PHAX: variants seen among roughly 807,000 people sequenced by gnomAD.
PHAX encodes phosphorylated adapter RNA export protein.
In PHAX, 31 loss-of-function variants were observed where a neutral mutation model predicts 41.6. That is an observed-to-expected ratio of 0.75 (90% confidence interval 0.56 to 1.01). The LOEUF (loss-of-function observed/expected upper bound fraction) is 1.01, where lower values mean the gene tolerates loss of function less well. Among genes scored for constraint, PHAX ranks in the 50% least tolerant of loss-of-function variants. The probability of loss-of-function intolerance (pLI) is 0.00; values close to 1 mark genes in which losing one functional copy is unlikely to be tolerated. For missense variants in PHAX, 453 were observed against 472.9 expected (o/e 0.96, Z 0.39); for synonymous variants, 175 against 164.9 (o/e 1.06, Z -0.47).
At position 126,601,016 on chromosome 5, in the gene PHAX, C is replaced by T. The variant is rs1326063176; in HGVS notation, c.54C>T (p.Ser18=). 6.2e-7 allele frequency: 1 copy of T among 1,606,474 alleles called. No individual in the cohort carries two copies. Among genetic ancestry groups the T allele is most frequent in the Non-Finnish European group, 8.5e-7 (1 of 1,176,632 alleles). ...ATGGGCAGCTTTCCGACTCGGATTC[C>T]GACATGACGGTCGCACCCAGCGACA... ...MEDGQLSDSD[S]DMTVAPSDRP... Residue 18 remains serine, a synonymous_variant, in exon 1 of 5, where the codon TCC becomes TCT. Transcript: ENST00000297540.
chr5:126,603,806 A>C lies in PHAX; in HGVS notation c.333A>C (p.Gly111=), dbSNP rs1554102590. The part of the protein sequence containing the change: ...QSSQKPPVAG[G]KKINNIWGAV... ...GTCAGAAACCACCTGTTGCTGGAGG[A>C]AAGAAGATTAACAACATATGGGGTG... Residue 111 remains glycine, a synonymous_variant, in exon 2 of 5, where the codon GGA becomes GGC. Transcript: ENST00000297540. 1.2e-6 allele frequency: 2 copies of C among 1,614,162 alleles called. No homozygotes were observed. Among genetic ancestry groups the C allele is most frequent in the Non-Finnish European group, 1.7e-6 (2 of 1,180,038 alleles).
intron 4 of PHAX, among the ~76,000 whole-genome samples, chr5:126,622,242 C>G (rs1228031195): frequency 6.6e-6 from 1 of 151,792 alleles, no homozygotes; most frequent in Non-Finnish European, 1.5e-5. Context: ...CAGGTGATTC[C>G]CCTGCCTCAG....
At chr5:126,622,501 C>A (rs982215944) in intron 4 of PHAX, among the ~76,000 whole-genome samples, 1 of 130,036 alleles carries the variant, frequency 7.7e-6, no homozygotes, top group African/African-American at 2.9e-5. Flanking sequence ...CCATATTGGC[C>A]AGGCTGGTCT....
At chr5:126,619,553 G>C (rs1752238174) in intron 4 of PHAX, among the ~76,000 whole-genome samples, 1 of 150,834 alleles carries the variant, frequency 6.6e-6, no homozygotes, top group African/African-American at 2.4e-5. Context: ...TCCAGCCTGG[G>C]TGACAGAACA....
chr5:126,603,271 C>T (rs78927334), intron 1 of PHAX, among the ~76,000 whole-genome samples: 4,020 of 151,732 alleles, frequency 0.026, 180 homozygotes, highest in African/African-American at 0.09. Context: ...CATTTTAAAA[C>T]ATTCTGACAG....
In PHAX at chr5:126,624,600, A is replaced by C; in HGVS notation, c.941A>C (p.Lys314Thr). Reference protein sequence around the residue: ...IKDIFYIENQKEYENKKAARK... With the variant: ...IKDIFYIENQTEYENKKAARK... ...GACATTTTCTACATTGAAAACCAAA[A>C]GGAATATGAAAATAAAAAAGCTGCT... The change falls in exon 5 of 5, where the codon AAG becomes ACG. Residue 314 changes from lysine (K) to threonine (T), a missense_variant. Physicochemically the swap from Lys to Thr is moderately conservative, Grantham distance 78. Transcript: ENST00000297540. 1 of 1,597,510 alleles carries C rather than the reference A, an allele frequency of 6.3e-7. No homozygotes were observed. Among genetic ancestry groups the C allele is most frequent in the South Asian group, 1.2e-5 (1 of 86,882 alleles).
intron 2 of PHAX, 152 bp downstream of exon 2, chr5:126,604,335 T>C: frequency 1.4e-6 from 1 of 709,248 alleles, no homozygotes; most frequent in Non-Finnish European, 2.2e-6. Flanking sequence ...GGAGTGCAGT[T>C]ACTCACTGCA....
intron 2 of PHAX, among the ~76,000 whole-genome samples, chr5:126,607,827 T>G (rs1752014813): frequency 6.6e-6 from 1 of 152,182 alleles, no homozygotes; most frequent in Admixed American, 6.6e-5. Flanking sequence ...CTTGAGAGAA[T>G]CAGCTGGCAT....
At chr5:126,612,746 A>G (rs1752123521) in intron 3 of PHAX, among the ~76,000 whole-genome samples, 1 of 152,162 alleles carries the variant, frequency 6.6e-6, no homozygotes, top group Admixed American at 6.5e-5. Context: ...CTGTTTTGAG[A>G]ATAGACTGAA....
At chr5:126,614,309 G>A (rs925518102) in intron 3 of PHAX, among the ~76,000 whole-genome samples, 6 of 152,108 alleles carry the variant, frequency 3.9e-5, no homozygotes, top group African/African-American at 1.4e-4. Flanking sequence ...ATGTTGGCCA[G>A]GCTGGTCTCA....
intron 2 of PHAX, among the ~76,000 whole-genome samples, chr5:126,607,388 CTTTTTTTTTTT>C (rs58375322): frequency 0.082 from 6,989 of 85,436 alleles, 289 homozygotes; most frequent in East Asian, 0.21. Flanking sequence ...GGTCTGAATT[CTTTTTTTTTTT>C]TTTTTTTTTT....
Position 126,601,971 on chromosome 5 carries a change from C to T in PHAX, c.96+913C>T, listed in dbSNP as rs190577075. On this transcript the variant is annotated intron_variant, in intron 1 of 4. Transcript: ENST00000297540. ...TGTGAACCACGGCGCCCGGCCACATCCAGCTAATTTTGTATTTTTAGTTGA... is the reference window on the plus strand; with the variant it reads ...TGTGAACCACGGCGCCCGGCCACATTCAGCTAATTTTGTATTTTTAGTTGA... Among the ~76,000 whole-genome samples the T allele has an allele frequency of 5.2e-3, 779 of 150,484 alleles. 4 individuals carry two copies. Among genetic ancestry groups the T allele is most frequent in the South Asian group, 0.016 (75 of 4,732 alleles).
At chr5:126,619,215 C>A (rs1388929555) in intron 4 of PHAX, among the ~76,000 whole-genome samples, 1 of 152,170 alleles carries the variant, frequency 6.6e-6, no homozygotes, top group African/African-American at 2.4e-5. Context: ...GTGTTAGCCA[C>A]CTTGCCTGGC....
At chr5:126,609,375 A>G (rs912099191) in intron 3 of PHAX, among the ~76,000 whole-genome samples, 1 of 152,054 alleles carries the variant, frequency 6.6e-6, no homozygotes, top group South Asian at 2.1e-4. Flanking sequence ...TGCTGGGATT[A>G]CAGGCGTGAG....
At chr5:126,621,880 A>G (rs1752278871) in intron 4 of PHAX, among the ~76,000 whole-genome samples, 1 of 152,222 alleles carries the variant, frequency 6.6e-6, no homozygotes, top group Non-Finnish European at 1.5e-5. Context: ...AACATGTTGC[A>G]ACAACATTTT....
At chr5:126,606,199 T>A (rs1581416504) in intron 2 of PHAX, among the ~76,000 whole-genome samples, 1 of 143,684 alleles carries the variant, frequency 7.0e-6, no homozygotes, top group African/African-American at 3.0e-5. Context: ...TTTTTGATTG[T>A]TTGTTTGTTT....
At chr5:126,620,974 G>A (rs1752260802) in intron 4 of PHAX, among the ~76,000 whole-genome samples, 1 of 152,110 alleles carries the variant, frequency 6.6e-6, no homozygotes, top group Non-Finnish European at 1.5e-5. Context: ...GACTTCAGGT[G>A]ATCCACCCTC....
chr5:126,606,156 TTTG>T (rs1440430463), intron 2 of PHAX, among the ~76,000 whole-genome samples: 1 of 151,784 alleles, frequency 6.6e-6, no homozygotes, highest in Non-Finnish European at 1.5e-5. Flanking sequence ...TTTGTTTGTT[TTTG>T]TTTTTGTTTT....
chr5:126,612,660 CAT>C (rs1752120997), intron 3 of PHAX, among the ~76,000 whole-genome samples: 1 of 152,112 alleles, frequency 6.6e-6, no homozygotes, highest in Non-Finnish European at 1.5e-5. Context: ...GGGATTGCGC[CAT>C]TGGACTCCAG....
Sources: allele counts gnomAD v4.1 joint callset (sites outside exome capture counted in the v4.1 genomes callset), GRCh38; gene constraint gnomAD v4.1.1; transcripts MANE v1.5; gene names NCBI Gene and HGNC (gene_info 2026-07-23, HGNC 2026-07-21).